Variants in FNDC7 observed in about 807,000 individuals in gnomAD.
FNDC7 encodes the protein fibronectin type III domain containing 7, also known as fibronectin type III domain-containing protein 7.
In FNDC7, 66 loss-of-function variants were observed where a neutral mutation model predicts 74.2. The observed-to-expected ratio is 0.89, with a 90% confidence interval of 0.73 to 1.09. The LOEUF is 1.09. Ranked by LOEUF, FNDC7 falls within the 50% of genes least tolerant of loss-of-function variation. The pLI is 0.00. For missense variants in FNDC7, 829 were observed against 893.4 expected, an observed-to-expected ratio of 0.93 and a Z score of 0.92; for synonymous variants, 307 against 330.2, an observed-to-expected ratio of 0.93 and a Z score of 0.76.
chr1:108,739,296 A>T (rs945800298), intron 11 of FNDC7, among the ~76,000 whole-genome samples: 7 of 152,180 alleles, frequency 4.6e-5, no homozygotes, highest in African/African-American at 1.4e-4. Context: ...CTGGAGTTGG[A>T]GACCAGCCTG....
chr1:108,737,354 AT>A, intron 10 of FNDC7, 140 bp from the exon 11 acceptor site: 1 of 597,784 alleles, frequency 1.7e-6, no homozygotes, highest in Non-Finnish European at 2.9e-6. Context: ...TGCTAGTAGT[AT>A]CTCCTTCTCT....
intron 10 of FNDC7, among the ~76,000 whole-genome samples, chr1:108,736,586 GCCCACAATTTCA>G (rs1661520287): frequency 6.6e-6 from 1 of 152,194 alleles, no homozygotes; most frequent in East Asian, 1.9e-4. Flanking sequence ...CCTGCTCCAT[GCCCACAATTTCA>G]CCCTTAGAGA....
At position 108,712,981 on chromosome 1, in the gene FNDC7, T is replaced by A; in HGVS notation, c.48T>A (p.Leu16=). The change falls in exon 1 of 13, where the codon CTT becomes CTA. Residue 16 remains leucine, a synonymous_variant. Transcript: ENST00000370017. Reference sequence around the variant, plus strand: ...GTTTGCCTTTGATTGGATTCATTCTTATCTGTCTTAAAATGGTGAGTTCAT... The same window carrying A: ...GTTTGCCTTTGATTGGATTCATTCTAATCTGTCTTAAAATGGTGAGTTCAT... The part of the protein sequence containing the change: ...ETCLPLIGFI[L]ICLKMVASAK... The A allele has an allele frequency of 2.6e-6, 4 of 1,551,666 alleles. No homozygotes were observed. The highest frequency in any genetic ancestry group is 3.5e-6 in the Non-Finnish European group (4 of 1,146,960).
At chr1:108,721,202 G>A (rs1481215257) in intron 4 of FNDC7, among the ~76,000 whole-genome samples, 1 of 152,128 alleles carries the variant, frequency 6.6e-6, no homozygotes, top group African/African-American at 2.4e-5. Context: ...GGGCACGGTA[G>A]CTCACGCCTG....
At position 108,742,067 on chromosome 1, in the gene FNDC7, C is replaced by T; in HGVS notation, c.*180C>T. Reference sequence around the variant, plus strand: ...TCCTGAGGGCAAGGTCAGGTGTGTCCTCACCTGCACAGCAGTTGGAGATCT... The same window carrying T: ...TCCTGAGGGCAAGGTCAGGTGTGTCTTCACCTGCACAGCAGTTGGAGATCT... On this transcript the variant is annotated 3_prime_UTR_variant, in exon 13 of 13. Coordinates refer to ENST00000370017, the MANE Select transcript of FNDC7 (RefSeq NM_001144937.3). 1 of 510,478 alleles carries T rather than the reference C, an allele frequency of 2.0e-6. No homozygotes were observed. Among genetic ancestry groups the T allele is most frequent in the South Asian group, 2.2e-5 (1 of 44,548 alleles). The allele number at this position is 510,478 out of a possible 1,614,324, so 31.6% of individuals were successfully genotyped here.
chr1:108,721,455 C>G (rs916473287), intron 4 of FNDC7, among the ~76,000 whole-genome samples: 2 of 151,706 alleles, frequency 1.3e-5, no homozygotes, highest in African/African-American at 4.8e-5. Flanking sequence ...GGCGACAGAG[C>G]GAGGCTCCGT....
rs757586852 is a variant in FNDC7 at position 108,728,884 on chromosome 1, C to A, written c.1622C>A (p.Thr541Lys). ...CCCAGCTACAGTGTGCCCCTGGAAA[C>A]AGGTATGTAGCAACCACCAGCCTGA... ...SLPSYSVPLE[T>K]VPCCPTGLTV... Residue 541 changes from threonine (T) to lysine (K), a missense_variant and splice_region_variant, in exon 8 of 13, where the codon ACA (threonine) becomes AAA (lysine). Thr to Lys is a moderately conservative substitution (Grantham distance 78). Coordinates refer to ENST00000370017, the MANE Select transcript of FNDC7 (RefSeq NM_001144937.3). 2.6e-5 allele frequency: 42 copies of A among 1,613,652 alleles called. No homozygotes were observed. In the East Asian group the frequency reaches 9.4e-4, roughly 36 times the overall value.
At chr1:108,733,632 G>A (rs1297517680) in intron 10 of FNDC7, 100 bp downstream of exon 10, 3 of 1,176,056 alleles carry the variant, frequency 2.6e-6, no homozygotes, top group Admixed American at 2.4e-5. Flanking sequence ...AGGGCACAGA[G>A]GGTATAAAAT....
rs1166638228 is a variant in FNDC7, at chr1:108,728,783, C to T, written c.1521C>T (p.Cys507=). 1 of 1,614,278 alleles carries T rather than the reference C, an allele frequency of 6.2e-7. No homozygotes were observed. The highest frequency in any genetic ancestry group is 1.7e-5 in the Admixed American group (1 of 60,028). Residue 507 remains cysteine (C), a synonymous_variant, in exon 8 of 13, where the codon TGC becomes TGT. Transcript: ENST00000370017. ...AGTGCAGCAGCACAGGAGAGTCCTG[C>T]ACCATGCGGGGCTTGCCCTGTGGCT... ...LYQCSSTGES[C]TMRGLPCGSV...
At chr1:108,732,688 T>TTC (rs749360107) in intron 9 of FNDC7, among the ~76,000 whole-genome samples, 5 of 151,516 alleles carry the variant, frequency 3.3e-5, no homozygotes, top group Non-Finnish European at 5.9e-5. Context: ...ACACATGGAT[T>TTC]TCTCTCTCTC....
chr1:108,719,131 T>C (rs1172346689), intron 4 of FNDC7, 82 bp downstream of exon 4: 1 of 1,475,118 alleles, frequency 6.8e-7, no homozygotes, highest in Non-Finnish European at 9.2e-7. Flanking sequence ...TCAAGGGCAG[T>C]GTTACATGAC....
At chr1:108,729,624 T>C (rs903209807) in intron 8 of FNDC7, among the ~76,000 whole-genome samples, 1 of 152,092 alleles carries the variant, frequency 6.6e-6, no homozygotes, top group African/African-American at 2.4e-5. Flanking sequence ...ATAGGGTGGC[T>C]ATGAGTATTA....
At chr1:108,731,999 A>T (rs1661366848) in intron 9 of FNDC7, among the ~76,000 whole-genome samples, 1 of 152,262 alleles carries the variant, frequency 6.6e-6, no homozygotes, top group Admixed American at 6.5e-5. Context: ...GTTACTAAGG[A>T]ATCCATTTGA....
intron 5 of FNDC7, 79 bp from the exon 6 acceptor site, chr1:108,725,671 A>T: frequency 6.7e-7 from 1 of 1,489,414 alleles, no homozygotes; most frequent in Non-Finnish European, 9.1e-7. Flanking sequence ...TTTGGGTTGT[A>T]TTGAAATCTT....
intron 4 of FNDC7, among the ~76,000 whole-genome samples, chr1:108,719,671 G>A (rs1260679478): frequency 1.3e-5 from 2 of 152,042 alleles, no homozygotes; most frequent in African/African-American, 4.8e-5. Flanking sequence ...CCCACCTAGA[G>A]GTCCCCCGAG....
chr1:108,737,271 G>A (rs889017767), intron 10 of FNDC7, among the ~76,000 whole-genome samples: 1 of 152,102 alleles, frequency 6.6e-6, no homozygotes, highest in African/African-American at 2.4e-5. Flanking sequence ...GCGCCCAGCT[G>A]AGCTTGGTAT....
chr1:108,731,937 T>C (rs1661365836), intron 9 of FNDC7, among the ~76,000 whole-genome samples: 1 of 152,244 alleles, frequency 6.6e-6, no homozygotes, highest in African/African-American at 2.4e-5. Context: ...ATAAATCAAG[T>C]AAGCCTGATT....
At chr1:108,716,353 G>GTC (rs952708019) in intron 2 of FNDC7, among the ~76,000 whole-genome samples, 1 of 150,692 alleles carries the variant, frequency 6.6e-6, no homozygotes, top group Non-Finnish European at 1.5e-5. Flanking sequence ...GTGTGTGTGT[G>GTC]TGTGTGTGTG....
intron 11 of FNDC7, among the ~76,000 whole-genome samples, chr1:108,740,437 C>T (rs1201904783): frequency 6.6e-6 from 1 of 150,412 alleles, no homozygotes; most frequent in East Asian, 2.0e-4. Context: ...AAGCGATTCT[C>T]GCGCCTCAGC....
Sources: allele counts gnomAD v4.1 joint callset (sites outside exome capture counted in the v4.1 genomes callset), GRCh38; gene constraint gnomAD v4.1.1; transcripts MANE v1.5; gene names NCBI Gene and HGNC (gene_info 2026-07-23, HGNC 2026-07-21).